CRYZ: variants seen among roughly 807,000 people sequenced by gnomAD.
CRYZ encodes the protein zeta-crystallin.
A neutral mutation model predicts 34.1 loss-of-function variants in CRYZ; 35 were observed. The ratio of observed to expected loss-of-function variants is 1.03; its 90% CI spans 0.78 to 1.36. The LOEUF (loss-of-function observed/expected upper bound fraction) is 1.36, where lower values mean the gene tolerates loss of function less well. Ranked by LOEUF, CRYZ falls within the 40% of genes most tolerant of loss-of-function variation. The pLI, the probability that CRYZ is intolerant of heterozygous loss-of-function variation, is 0.00. For synonymous variants in CRYZ, 137 were observed against 136.5 expected, an observed-to-expected ratio of 1.00 and a Z score of -0.03; for missense variants, 403 against 391.8, an observed-to-expected ratio of 1.03 and a Z score of -0.24.
chr1:74,729,695 G>GA (rs1333727730), intron 1 of CRYZ, among the ~76,000 whole-genome samples: 3 of 149,784 alleles, frequency 2.0e-5, no homozygotes, highest in African/African-American at 7.3e-5. Context: ...AAAATGTTAT[G>GA]AAAAAAATAT....
chr1:74,721,656 A>T (rs938598304), intron 3 of CRYZ, among the ~76,000 whole-genome samples: 12 of 152,236 alleles, frequency 7.9e-5, no homozygotes, highest in Non-Finnish European at 1.5e-4. Context: ...AATGGAAAGG[A>T]GAGAGAAAAC....
intron 4 of CRYZ, 72 bp from the exon 5 acceptor site, chr1:74,714,702 T>C: frequency 6.5e-7 from 1 of 1,529,650 alleles, no homozygotes; most frequent in Non-Finnish European, 9.0e-7. Context: ...TTCATCATCT[T>C]AAGGAATTTC....
At chr1:74,709,538 A>G (rs763993152) in intron 6 of CRYZ, among the ~76,000 whole-genome samples, 15 of 152,240 alleles carry the variant, frequency 9.9e-5, no homozygotes, top group Non-Finnish European at 2.2e-4. Flanking sequence ...TAGCAAAGCA[A>G]TAAGTGTTTA....
Position 74,705,572 on chromosome 1 carries a change from A to T in CRYZ, c.*724T>A, listed in dbSNP as rs944479808. 2 of 152,160 alleles carry T rather than the reference A, an allele frequency of 1.3e-5. No homozygotes were observed. Among genetic ancestry groups the T allele is most frequent in the Non-Finnish European group, 2.9e-5 (2 of 67,996 alleles). 9.4% of individuals were successfully genotyped at this position (152,160 alleles called of 1,614,324 possible). A position where few individuals can be genotyped will look rare whatever the true frequency, so the allele number is the denominator to read the frequency against. The stretch of plus-strand genomic sequence containing the variant: ...TTAATTTATCAAATTTGTGAGCTTA[A>T]TTAACAAAAATATTTGACCCTCACC... On this transcript the variant is annotated 3_prime_UTR_variant, in exon 9 of 9. Transcript: ENST00000340866.
At position 74,706,167 on chromosome 1, in the gene CRYZ, G is replaced by A. The variant is rs1309282955; in HGVS notation, c.*129C>T. The A allele has an allele frequency of 1.2e-6, 1 of 822,332 alleles. No individual in the cohort carries two copies. Among genetic ancestry groups the A allele is most frequent in the African/African-American group, 1.7e-5 (1 of 57,450 alleles). 50.9% of individuals were successfully genotyped at this position (822,332 alleles called of 1,614,324 possible). A position where few individuals can be genotyped will look rare whatever the true frequency, so the allele number is the denominator to read the frequency against. ...TACTCTTCTGCTTCTGCTCTCTAAA[G>A]AAAAATCTTATTTTTTCACATAAGA... is the stretch of plus-strand genomic sequence containing the variant. On this transcript the variant is annotated 3_prime_UTR_variant, in exon 9 of 9. Coordinates refer to ENST00000340866, the MANE Select transcript of CRYZ (RefSeq NM_001889.4).
intron 6 of CRYZ, 49 bp downstream of exon 6, chr1:74,710,049 G>A (rs749653308): frequency 1.3e-6 from 2 of 1,542,522 alleles, no homozygotes; most frequent in South Asian, 2.3e-5. Context: ...AACCACGCAA[G>A]TCTCCAAGGA....
chr1:74,724,303 T>A (rs1025744096), intron 2 of CRYZ, among the ~76,000 whole-genome samples: 2 of 152,170 alleles, frequency 1.3e-5, no homozygotes, highest in Non-Finnish European at 2.9e-5. Context: ...CTGGAGATGA[T>A]TAAACTATAT....
At chr1:74,708,973 A>G (rs1646966614) in intron 6 of CRYZ, 1 of 152,206 alleles carries the variant, frequency 6.6e-6, no homozygotes, top group African/African-American at 2.4e-5. Context: ...AAAATCAAAC[A>G]AGATGAAGAC....
intron 1 of CRYZ, among the ~76,000 whole-genome samples, chr1:74,729,894 C>T (rs1211794263): frequency 1.3e-5 from 2 of 152,066 alleles, no homozygotes; most frequent in African/African-American, 2.4e-5. Flanking sequence ...GTGTTAAACT[C>T]AGAGAACACA....
chr1:74,718,301 G>A (rs1238887886), intron 4 of CRYZ, among the ~76,000 whole-genome samples: 2 of 151,896 alleles, frequency 1.3e-5, no homozygotes, highest in African/African-American at 4.8e-5. Flanking sequence ...CCTATAAGAC[G>A]CTCTTATCTC....
chr1:74,728,603 G>C (rs2100735224), intron 1 of CRYZ, among the ~76,000 whole-genome samples: 1 of 152,220 alleles, frequency 6.6e-6, no homozygotes, highest in Non-Finnish European at 1.5e-5. Context: ...ACTCCACACA[G>C]GACTACTCAG....
In CRYZ at chr1:74,707,177, T is replaced by C. The variant is rs761793412; in HGVS notation, c.658A>G (p.Ile220Val). ...KKYVGEKGID[I>V]IIEMLANVNL... is the part of the protein sequence containing the mutation. Reference sequence around the variant, plus strand: ...ACATTAGCTAACATTTCAATAATTATATCAATTCCTTTCTCACCAACATAC... The same window carrying C: ...ACATTAGCTAACATTTCAATAATTACATCAATTCCTTTCTCACCAACATAC... The change falls in exon 7 of 9, where the codon ATA becomes GTA. Residue 220 changes from isoleucine to valine, a missense_variant. Coordinates refer to ENST00000340866, the MANE Select transcript of CRYZ (RefSeq NM_001889.4). The C allele has an allele frequency of 1.9e-6, 3 of 1,571,764 alleles. No individual in the cohort carries two copies. Among genetic ancestry groups the C allele is most frequent in the East Asian group, 2.2e-5 (1 of 44,594 alleles).
chr1:74,712,966 G>T (rs545988032), intron 5 of CRYZ, among the ~76,000 whole-genome samples: 44 of 152,150 alleles, frequency 2.9e-4, no homozygotes, highest in Non-Finnish European at 5.0e-4. Context: ...AACATATCTG[G>T]ATAATAGCTG....
At chr1:74,724,532 A>G (rs1270987382) in intron 2 of CRYZ, among the ~76,000 whole-genome samples, 179 bp downstream of exon 2, 2 of 152,154 alleles carry the variant, frequency 1.3e-5, no homozygotes, top group African/African-American at 2.4e-5. Flanking sequence ...TCATACATCT[A>G]CTTCACTAAT....
At chr1:74,710,972 ACT>A (rs1646994166) in intron 5 of CRYZ, among the ~76,000 whole-genome samples, 3 of 152,192 alleles carry the variant, frequency 2.0e-5, no homozygotes, top group Non-Finnish European at 4.4e-5. Flanking sequence ...AGGAAGAGCC[ACT>A]CTGAAAAAAT....
chr1:74,732,930 TAAG>T (rs1647928347), intron 1 of CRYZ, 23 bp downstream of exon 1: 1 of 354,876 alleles, frequency 2.8e-6, no homozygotes, highest in Non-Finnish European at 5.2e-6. Context: ...TCTAAACAAC[TAAG>T]GAGAGTTTTT....
At chr1:74,720,451 C>T (rs944949264) in intron 3 of CRYZ, among the ~76,000 whole-genome samples, 2 of 152,106 alleles carry the variant, frequency 1.3e-5, no homozygotes, top group African/African-American at 2.4e-5. Context: ...CATTATTGGG[C>T]CAGTATGTAA....
intron 1 of CRYZ, among the ~76,000 whole-genome samples, chr1:74,732,597 CGGGGGGGGGG>C (rs56898084): frequency 0.45 from 24,002 of 52,958 alleles, 6,645 homozygotes; most frequent in East Asian, 0.86. Context: ...GGGTGACTGG[CGGGGGGGGGG>C]GGGGGGGGTG....
chr1:74,723,475 C>T (rs930039214), intron 2 of CRYZ, among the ~76,000 whole-genome samples: 9 of 152,172 alleles, frequency 5.9e-5, no homozygotes, highest in African/African-American at 2.2e-4. Context: ...GCATTAAAAA[C>T]ATTTTGGGGA....
Sources: gnomAD v4.1 joint callset for allele counts (sites outside exome capture counted in the v4.1 genomes callset) on GRCh38, gnomAD v4.1.1 for gene constraint, MANE v1.5 for transcripts, NCBI Gene and HGNC (gene_info 2026-07-23, HGNC 2026-07-21) for gene names.